ST3GAL3: variants seen among roughly 807,000 people sequenced by gnomAD.
ST3GAL3 encodes the protein CMP-N-acetylneuraminate-beta-1,4-galactoside alpha-2,3-sialyltransferase.
In ST3GAL3, 21 loss-of-function variants were observed where a neutral mutation model predicts 50.1. That is an observed-to-expected ratio of 0.42 (90% CI 0.30 to 0.60). ST3GAL3 has a LOEUF of 0.60. Ranked by LOEUF, ST3GAL3 falls within the 20% of genes least tolerant of loss-of-function variation. ST3GAL3 has a pLI of 0.19. For missense variants in ST3GAL3, 353 were observed against 489.4 expected, an observed-to-expected ratio of 0.72 and a Z score of 2.63; for synonymous variants, 183 against 190.0, an observed-to-expected ratio of 0.96 and a Z score of 0.30.
chr1:43,875,944 C>CTTATTA (rs2074009910), intron 5 of ST3GAL3, among the ~76,000 whole-genome samples: 2 of 49,074 alleles, frequency 4.1e-5, no homozygotes, highest in South Asian at 6.5e-4. Flanking sequence ...TCTTCTTCTT[C>CTTATTA]TTCTTCTTAT....
rs112604147 is a variant in ST3GAL3 at position 43,785,044 on chromosome 1, G to A, written c.119-7058G>A. 4.1e-4 allele frequency among the ~76,000 whole-genome samples: 63 copies of A among 152,026 alleles called. 4 individuals carry two copies. Among genetic ancestry groups the A allele is most frequent in the African/African-American group, 1.4e-3 (56 of 41,420 alleles). On this transcript the variant is annotated intron_variant, in intron 2 of 11. Coordinates refer to ENST00000347631, the MANE Select transcript of ST3GAL3 (RefSeq NM_006279.5). ...AGACTTTTCTTTTCTCTGTTTGTCCGCAGGAATCTCATTTACTCAGGTTTT... is the reference window on the plus strand; with the variant it reads ...AGACTTTTCTTTTCTCTGTTTGTCCACAGGAATCTCATTTACTCAGGTTTT...
intron 1 of ST3GAL3, among the ~76,000 whole-genome samples, chr1:43,719,323 C>G (rs1338299990): frequency 7.9e-6 from 1 of 126,948 alleles, no homozygotes; most frequent in African/African-American, 3.0e-5. Flanking sequence ...GAGATGCTAC[C>G]TCACACTCTA....
intron 5 of ST3GAL3, among the ~76,000 whole-genome samples, chr1:43,889,679 G>T (rs925174995): frequency 6.6e-6 from 1 of 152,068 alleles, no homozygotes; most frequent in Non-Finnish European, 1.5e-5. Context: ...ATATGTATAC[G>T]TTAGGATCAA....
intron 2 of ST3GAL3, among the ~76,000 whole-genome samples, chr1:43,775,026 C>T (rs1046884958): frequency 4.6e-5 from 7 of 152,116 alleles, no homozygotes; most frequent in South Asian, 2.1e-4. Flanking sequence ...GCCACACCTC[C>T]GTCCTCAGCC....
intron 2 of ST3GAL3, among the ~76,000 whole-genome samples, chr1:43,746,889 A>G (rs1475625138): frequency 6.6e-6 from 1 of 151,772 alleles, no homozygotes; most frequent in Non-Finnish European, 1.5e-5. Context: ...CAGCCTCCCA[A>G]GTAGCTGGTA....
intron 2 of ST3GAL3, among the ~76,000 whole-genome samples, chr1:43,786,721 C>T (rs1445270156): frequency 6.6e-6 from 1 of 152,186 alleles, no homozygotes; most frequent in Non-Finnish European, 1.5e-5. Context: ...TGTTCTTACT[C>T]ACCACTGTAT....
intron 5 of ST3GAL3, among the ~76,000 whole-genome samples, chr1:43,873,645 T>A (rs1485948502): frequency 6.6e-6 from 1 of 151,784 alleles, no homozygotes; most frequent in Non-Finnish European, 1.5e-5. Context: ...ATTAGCTGGG[T>A]GTGGTGGTGC....
At chr1:43,805,947 G>T (rs113151965) in intron 3 of ST3GAL3, among the ~76,000 whole-genome samples, 1 of 152,108 alleles carries the variant, frequency 6.6e-6, no homozygotes, top group Non-Finnish European at 1.5e-5. Context: ...TGTTGGTCAG[G>T]CTGGTCTTTA....
chr1:43,928,736 C>T (rs902881766), intron 11 of ST3GAL3, among the ~76,000 whole-genome samples: 1 of 152,062 alleles, frequency 6.6e-6, no homozygotes, highest in African/African-American at 2.4e-5. Flanking sequence ...TGGTGAAACC[C>T]CCATCTCTAC....
At chr1:43,895,736 A>G (rs1480224574) in intron 6 of ST3GAL3, among the ~76,000 whole-genome samples, 2 of 152,180 alleles carry the variant, frequency 1.3e-5, no homozygotes, top group Non-Finnish European at 2.9e-5. Context: ...GGACAAATCT[A>G]ATGGTTGGGT....
At chr1:43,771,734 G>A (rs1236629374) in intron 2 of ST3GAL3, 4 of 50,006 alleles carry the variant, frequency 8.0e-5, no homozygotes, top group Non-Finnish European at 1.3e-4. Context: ...ATAAAGTTGT[G>A]TGTGTGTGTG....
intron 1 of ST3GAL3, among the ~76,000 whole-genome samples, chr1:43,710,138 G>A (rs1488318463): frequency 6.6e-6 from 1 of 152,020 alleles, no homozygotes; most frequent in Non-Finnish European, 1.5e-5. Flanking sequence ...CTGGAGTGCA[G>A]TGGCCCCATC....
chr1:43,898,268 A>G lies in ST3GAL3; in HGVS notation c.431A>G (p.Lys144Arg), dbSNP rs773798445. The change falls in exon 7 of 12, where the codon AAA becomes AGA. Residue 144 changes from lysine to arginine, a missense_variant. Physicochemically the swap from Lys to Arg is conservative, Grantham distance 26 (BLOSUM62 2). Coordinates refer to ENST00000347631, the MANE Select transcript of ST3GAL3 (RefSeq NM_006279.5). ...NLIKAILSVT[K>R]EYRLTPALDS... ...ATCAAAGCCATCTTGTCAGTCACCA[A>G]AGAGTACCGCCTGACCCCTGCCTTG... is the stretch of plus-strand genomic sequence containing the variant. 1.6e-5 allele frequency: 26 copies of G among 1,613,688 alleles called. No homozygotes were observed. The Admixed American group carries it at 3.8e-4, about 24-fold the overall frequency.
At chr1:43,733,584 G>A (rs574277975) in intron 1 of ST3GAL3, among the ~76,000 whole-genome samples, 3 of 152,124 alleles carry the variant, frequency 2.0e-5, no homozygotes, top group Non-Finnish European at 4.4e-5. Context: ...TCCTCTGCCA[G>A]TACCTATCTA....
rs2154267147 is a variant in ST3GAL3 at position 43,894,543 on chromosome 1, A to G, written c.397+66A>G. On this transcript the variant is annotated intron_variant, in intron 6 of 11. Coordinates refer to ENST00000347631, the MANE Select transcript of ST3GAL3 (RefSeq NM_006279.5). Reference sequence around the variant, plus strand: ...CCGACTGTCTCCCTGTCCTTCAGACAAGGCTACATCCTCAGAAGTCCCCAT... The same window carrying G: ...CCGACTGTCTCCCTGTCCTTCAGACGAGGCTACATCCTCAGAAGTCCCCAT... The G allele has an allele frequency of 2.8e-6, 4 of 1,432,712 alleles. No individual in the cohort carries two copies. In the East Asian group the frequency reaches 9.1e-5, roughly 33 times the overall value. The allele number at this position is 1,432,712 out of a possible 1,614,324, so 88.7% of individuals were successfully genotyped here. A position where few individuals can be genotyped will look rare whatever the true frequency, so the allele number is the denominator to read the frequency against.
chr1:43,772,394 A>G (rs1268104264), intron 2 of ST3GAL3: 1 of 180,856 alleles, frequency 5.5e-6, no homozygotes, highest in Non-Finnish European at 1.1e-5. Flanking sequence ...TTTTGTCATG[A>G]TGGACAGATT....
At chr1:43,716,184 C>T (rs1048508176) in intron 1 of ST3GAL3, among the ~76,000 whole-genome samples, 1 of 152,112 alleles carries the variant, frequency 6.6e-6, no homozygotes, top group Non-Finnish European at 1.5e-5. Context: ...TATTTTTGCA[C>T]CAACCGAAAT....
chr1:43,731,123 C>T (rs999223716), intron 1 of ST3GAL3, among the ~76,000 whole-genome samples: 4 of 151,974 alleles, frequency 2.6e-5, no homozygotes, highest in African/African-American at 7.3e-5. Flanking sequence ...ACCTCAACCT[C>T]CTGGGCTCAA....
At chr1:43,908,355 C>G (rs80199567) in intron 9 of ST3GAL3, among the ~76,000 whole-genome samples, 1 of 152,174 alleles carries the variant, frequency 6.6e-6, no homozygotes, top group Non-Finnish European at 1.5e-5. Flanking sequence ...ATCCCCATTT[C>G]CTAGATGCAG....
Sources: allele counts gnomAD v4.1 joint callset (sites outside exome capture counted in the v4.1 genomes callset), GRCh38; gene constraint gnomAD v4.1.1; transcripts MANE v1.5; gene names NCBI Gene and HGNC (gene_info 2026-07-23, HGNC 2026-07-21).